The following SPATA6 variants were observed in gnomAD, a reference collection of about 807,000 sequenced individuals.
SPATA6 encodes spermatogenesis-associated protein 6.
Under a neutral mutation model 65.3 loss-of-function variants are expected in SPATA6, and 56 were observed. The ratio of observed to expected loss-of-function variants is 0.86; its 90% CI spans 0.69 to 1.07. The LOEUF (loss-of-function observed/expected upper bound fraction) is 1.07, where lower values mean the gene tolerates loss of function less well. Among genes scored for constraint, SPATA6 ranks in the 50% least tolerant of loss-of-function variants. The pLI, the probability that SPATA6 is intolerant of heterozygous loss-of-function variation, is 0.00. For missense variants in SPATA6, 590 were observed against 594.8 expected, an observed-to-expected ratio of 0.99 and a Z score of 0.08; for synonymous variants, 199 against 213.2, an observed-to-expected ratio of 0.93 and a Z score of 0.58.
At chr1:48,336,488 A>G (rs1457544750) in intron 11 of SPATA6, among the ~76,000 whole-genome samples, 1 of 152,066 alleles carries the variant, frequency 6.6e-6, no homozygotes, top group Non-Finnish European at 1.5e-5. Flanking sequence ...AGGAACATGG[A>G]TGGAGCTGGA....
chr1:48,341,017 C>T (rs112228156), intron 11 of SPATA6, among the ~76,000 whole-genome samples: 12 of 152,234 alleles, frequency 7.9e-5, no homozygotes, highest in African/African-American at 2.2e-4. Context: ...AGCATAACCA[C>T]GACACATTAT....
At chr1:48,436,001 C>T in intron 3 of SPATA6, 1 of 1,607,410 alleles carries the variant, frequency 6.2e-7, no homozygotes, top group Middle Eastern at 2.3e-4. Context: ...ACTTCAAGAA[C>T]ACAAGATGAA....
Position 48,303,879 on chromosome 1 carries a change from T to C in SPATA6, c.1286+1908A>G, listed in dbSNP as rs139532073. Among the ~76,000 whole-genome samples, 35 of 152,286 alleles carry C rather than the reference T, an allele frequency of 2.3e-4. No individual in the cohort carries two copies. In the East Asian group the frequency reaches 3.1e-3, roughly 13 times the overall value. On this transcript the variant is annotated intron_variant, in intron 12 of 12. Coordinates refer to ENST00000371847, the MANE Select transcript of SPATA6 (RefSeq NM_019073.4). ...TGACAATTCTGTTCTGTTTGTTTCT[T>C]TGGGGGAAGAGGATTTGCTGAGCTC...
chr1:48,322,394 C>A (rs2148705141), intron 11 of SPATA6, among the ~76,000 whole-genome samples: 1 of 152,192 alleles, frequency 6.6e-6, no homozygotes, highest in East Asian at 1.9e-4. Context: ...GGATCCCTTC[C>A]TTACACCTTA....
downstream of SPATA6, among the ~76,000 whole-genome samples, chr1:48,291,803 C>A (rs1049927933): frequency 7.2e-5 from 11 of 152,182 alleles, no homozygotes; most frequent in African/African-American, 2.7e-4. Context: ...GTTCTAAGAG[C>A]AAGAGTTCAT....
At chr1:48,399,276 G>A in intron 7 of SPATA6, 75 bp downstream of exon 7, 1 of 1,475,830 alleles carries the variant, frequency 6.8e-7, no homozygotes, top group Non-Finnish European at 9.2e-7. Flanking sequence ...GAAGTTGAAA[G>A]ATATTTCAGA....
At chr1:48,304,274 T>C (rs1645006842) in intron 12 of SPATA6, among the ~76,000 whole-genome samples, 2 of 152,202 alleles carry the variant, frequency 1.3e-5, no homozygotes, top group South Asian at 4.1e-4. Context: ...GCAAAGATTA[T>C]AAAGTGATCT....
chr1:48,344,068 T>C (rs1646294952), intron 11 of SPATA6: 1 of 152,096 alleles, frequency 6.6e-6, no homozygotes, highest in Non-Finnish European at 1.5e-5. Context: ...ACTACTACAA[T>C]TAAAACACCA....
chr1:48,385,910 T>C (rs768868551), intron 8 of SPATA6, among the ~76,000 whole-genome samples: 99 of 152,186 alleles, frequency 6.5e-4, no homozygotes, highest in Non-Finnish European at 9.3e-4. Flanking sequence ...CTGATGTGCC[T>C]CTTTCATAAT....
chr1:48,351,572 T>A (rs1646514701), intron 11 of SPATA6, among the ~76,000 whole-genome samples: 1 of 152,122 alleles, frequency 6.6e-6, no homozygotes, highest in Admixed American at 6.6e-5. Context: ...ATAAGAAATA[T>A]GCTTTTTCTT....
chr1:48,264,514 C>T, the SPATA6 span, among the ~76,000 whole-genome samples: 3 of 152,086 alleles, frequency 2.0e-5, no homozygotes, highest in African/African-American at 7.2e-5. Flanking sequence ...TGCTATCCCT[C>T]CCCTAGCCCC....
At chr1:48,307,117 A>G (rs1287455343) in intron 11 of SPATA6, among the ~76,000 whole-genome samples, 1 of 151,696 alleles carries the variant, frequency 6.6e-6, no homozygotes, top group East Asian at 1.9e-4. Context: ...TATCAAAGAA[A>G]ATGTAATTGC....
chr1:48,455,559 T>A (rs1353688632), intron 1 of SPATA6, among the ~76,000 whole-genome samples: 1 of 152,098 alleles, frequency 6.6e-6, no homozygotes, highest in African/African-American at 2.4e-5. Flanking sequence ...TTTTTGTATT[T>A]TTAATGGAGA....
intron 11 of SPATA6, among the ~76,000 whole-genome samples, chr1:48,346,490 G>A (rs1646369721): frequency 6.6e-6 from 1 of 151,678 alleles, no homozygotes; most frequent in South Asian, 2.1e-4. Flanking sequence ...TCAGACGAGA[G>A]AAAGACATGA....
At chr1:48,269,690 A>G in the SPATA6 span, among the ~76,000 whole-genome samples, 1 of 152,044 alleles carries the variant, frequency 6.6e-6, no homozygotes, top group African/African-American at 2.4e-5. Flanking sequence ...TTTCTATGAT[A>G]CAATGTTGCT....
At chr1:48,368,418 A>G (rs1342109249) in intron 9 of SPATA6, among the ~76,000 whole-genome samples, 2 of 152,168 alleles carry the variant, frequency 1.3e-5, no homozygotes, top group African/African-American at 2.4e-5. Context: ...TCTCCCCGTC[A>G]CTTTCAGGTA....
chr1:48,359,851 C>A, intron 9 of SPATA6, 81 bp from the exon 10 acceptor site: 1 of 1,073,966 alleles, frequency 9.3e-7, no homozygotes, highest in Non-Finnish European at 1.3e-6. Context: ...ATATAGTATG[C>A]ATAGTAGTCA....
chr1:48,472,126 G>GC lies in SPATA6; in HGVS notation c.-119dup. The GC allele has an allele frequency of 1.3e-6, 1 of 793,212 alleles. No individual in the cohort carries two copies. Among genetic ancestry groups the GC allele is most frequent in the Non-Finnish European group, 1.9e-6 (1 of 533,976 alleles). 49.1% of individuals were successfully genotyped at this position (793,212 alleles called of 1,614,324 possible). On this transcript the variant is annotated 5_prime_UTR_variant, in exon 1 of 13. Coordinates refer to ENST00000371847, the MANE Select transcript of SPATA6 (RefSeq NM_019073.4). ...GGTGGCGGCGGCGGTGGCAGCAGTG[G>GC]CCCCCAGGCCGGGGCCCGCGGTCCA...
intron 3 of SPATA6, chr1:48,436,820 C>T: frequency 1.2e-6 from 2 of 1,613,812 alleles, no homozygotes; most frequent in East Asian, 2.2e-5. Context: ...AAAGGTCCTC[C>T]TTATAGCCCA....
Sources: gnomAD v4.1 joint callset for allele counts (sites outside exome capture counted in the v4.1 genomes callset) on GRCh38, gnomAD v4.1.1 for gene constraint, MANE v1.5 for transcripts, NCBI Gene and HGNC (gene_info 2026-07-23, HGNC 2026-07-21) for gene names.